ADGRG6: variants seen among roughly 807,000 people sequenced by gnomAD.
ADGRG6 encodes G-protein coupled receptor 126.
A neutral mutation model predicts 142.4 loss-of-function variants in ADGRG6; 84 were observed. The observed-to-expected ratio is 0.59, with a 90% confidence interval of 0.49 to 0.71. The LOEUF (loss-of-function observed/expected upper bound fraction) is 0.71, where lower values mean the gene tolerates loss of function less well. Ranked by LOEUF, ADGRG6 falls within the 30% of genes least tolerant of loss-of-function variation. The pLI, the probability that ADGRG6 is intolerant of heterozygous loss-of-function variation, is 0.00. For synonymous variants in ADGRG6, 521 were observed against 520.5 expected, an observed-to-expected ratio of 1.00 and a Z score of -0.01; for missense variants, 1,367 against 1,466.6, an observed-to-expected ratio of 0.93 and a Z score of 1.11.
intron 2 of ADGRG6, among the ~76,000 whole-genome samples, chr6:142,318,441 A>T (rs1163095278): frequency 7.8e-6 from 1 of 128,054 alleles, no homozygotes; most frequent in Non-Finnish European, 1.6e-5. Flanking sequence ...ATATATTTAT[A>T]TATCAGGCTC....
At position 142,402,653 on chromosome 6, in the gene ADGRG6, AT is replaced by A; in HGVS notation, c.1781del (p.Leu594Ter). ...AATGAAGTTGCTAACCAGATTTTAA[AT>A]TTAACTGCTGATGGGCAGAACTTAA... is the stretch of plus-strand genomic sequence containing the variant. ...EANEVANQIL[N>X]LTADGQNLTS... On this transcript the variant is annotated frameshift_variant, in exon 13 of 25. Transcript: ENST00000367609. LOFTEE classifies it high-confidence loss of function. The A allele has an allele frequency of 6.2e-7, 1 of 1,605,560 alleles. No homozygotes were observed. The highest frequency in any genetic ancestry group is 2.2e-5 in the East Asian group (1 of 44,588).
At chr6:142,441,405 T>C (rs1000368129) in intron 24 of ADGRG6, among the ~76,000 whole-genome samples, 4 of 152,164 alleles carry the variant, frequency 2.6e-5, no homozygotes, top group Non-Finnish European at 4.4e-5. Flanking sequence ...AATTTCAGCA[T>C]AGGTCAAATA....
chr6:142,363,758 A>G (rs1446659581), intron 2 of ADGRG6, among the ~76,000 whole-genome samples: 4 of 152,160 alleles, frequency 2.6e-5, no homozygotes, highest in Admixed American at 2.0e-4. Flanking sequence ...GTAATTACTT[A>G]CTAGGCTAGC....
At chr6:142,433,935 G>A (rs888376257) in intron 22 of ADGRG6, among the ~76,000 whole-genome samples, 7 of 152,060 alleles carry the variant, frequency 4.6e-5, no homozygotes, top group Admixed American at 2.6e-4. Context: ...TATTGTCCAG[G>A]CAACATAAGA....
chr6:142,408,968 T>C (rs1441749650), intron 16 of ADGRG6, among the ~76,000 whole-genome samples: 1 of 152,176 alleles, frequency 6.6e-6, no homozygotes, highest in Non-Finnish European at 1.5e-5. Context: ...TGTTCAACAC[T>C]TTGGCTTCCT....
chr6:142,409,000 T>C (rs1048151976), intron 16 of ADGRG6, among the ~76,000 whole-genome samples: 1 of 152,172 alleles, frequency 6.6e-6, no homozygotes, highest in African/African-American at 2.4e-5. Context: ...CCTTCATTCA[T>C]AAAGGACGAT....
intron 2 of ADGRG6, among the ~76,000 whole-genome samples, chr6:142,334,662 G>A (rs1172373996): frequency 6.6e-6 from 1 of 152,158 alleles, no homozygotes; most frequent in Admixed American, 6.5e-5. Context: ...TGCAATCAAG[G>A]GTCTCTAGCA....
chr6:142,434,330 T>G (rs1208971432), intron 22 of ADGRG6, among the ~76,000 whole-genome samples: 1 of 151,380 alleles, frequency 6.6e-6, no homozygotes, highest in East Asian at 1.9e-4. Flanking sequence ...CCCAGAATTT[T>G]TTTTTCTTTT....
At chr6:142,365,574 A>G (rs1354341208) in intron 2 of ADGRG6, among the ~76,000 whole-genome samples, 1 of 152,212 alleles carries the variant, frequency 6.6e-6, no homozygotes, top group Non-Finnish European at 1.5e-5. Flanking sequence ...TACAAAGCAG[A>G]GGAACATGGT....
intron 4 of ADGRG6, among the ~76,000 whole-genome samples, chr6:142,376,936 C>A (rs1781528963): frequency 6.6e-6 from 1 of 152,188 alleles, no homozygotes. Context: ...CAGTGGGCTA[C>A]ACATCAGTCT....
intron 22 of ADGRG6, among the ~76,000 whole-genome samples, chr6:142,420,324 C>T (rs1373232266): frequency 6.6e-6 from 1 of 152,100 alleles, no homozygotes; most frequent in African/African-American, 2.4e-5. Flanking sequence ...TGCCAAGCAC[C>T]TAGAACACTG....
chr6:142,385,100 C>T (rs935568931), intron 6 of ADGRG6, among the ~76,000 whole-genome samples: 1 of 152,104 alleles, frequency 6.6e-6, no homozygotes, highest in African/African-American at 2.4e-5. Flanking sequence ...GGTATTCTCC[C>T]TCCAGGATTG....
intron 2 of ADGRG6, among the ~76,000 whole-genome samples, chr6:142,347,331 A>G (rs1779952074): frequency 6.6e-6 from 1 of 152,204 alleles, no homozygotes. Flanking sequence ...CATAGTTTTT[A>G]TATCACTGTA....
At chr6:142,363,737 GA>G (rs1780822386) in intron 2 of ADGRG6, among the ~76,000 whole-genome samples, 1 of 152,096 alleles carries the variant, frequency 6.6e-6, no homozygotes, top group Non-Finnish European at 1.5e-5. Flanking sequence ...TGACTCTTAA[GA>G]GAGATCAAAG....
intron 22 of ADGRG6, among the ~76,000 whole-genome samples, chr6:142,432,036 C>T (rs142250194): frequency 0.016 from 2,427 of 152,254 alleles, 60 homozygotes; most frequent in African/African-American, 0.05. Context: ...ACACCGAGAT[C>T]TATAAGTAGA....
At chr6:142,417,403 A>G (rs1432589351) in intron 21 of ADGRG6, 34 bp downstream of exon 21, 1 of 898,436 alleles carries the variant, frequency 1.1e-6, no homozygotes, top group Non-Finnish European at 1.8e-6. Context: ...ATGAGTAGAT[A>G]TCCTTTGTTT....
intron 9 of ADGRG6, among the ~76,000 whole-genome samples, 181 bp downstream of exon 9, chr6:142,394,139 G>T (rs1258144314): frequency 6.6e-6 from 1 of 151,992 alleles, no homozygotes; most frequent in Non-Finnish European, 1.5e-5. Context: ...TAACAGACTG[G>T]GTAGTAATGT....
chr6:142,325,403 C>T (rs975925316), intron 2 of ADGRG6, among the ~76,000 whole-genome samples: 2 of 152,142 alleles, frequency 1.3e-5, no homozygotes, highest in Non-Finnish European at 2.9e-5. Context: ...TGGGCTGAGG[C>T]TCCACGGTAT....
intron 2 of ADGRG6, among the ~76,000 whole-genome samples, chr6:142,318,525 C>A (rs1024756879): frequency 5.5e-5 from 8 of 146,040 alleles, no homozygotes; most frequent in African/African-American, 2.0e-4. Flanking sequence ...ATTGGGGAGA[C>A]TAACGTGAGA....
Sources: allele counts gnomAD v4.1 joint callset (sites outside exome capture counted in the v4.1 genomes callset), GRCh38; gene constraint gnomAD v4.1.1; transcripts MANE v1.5; gene names NCBI Gene and HGNC (gene_info 2026-07-23, HGNC 2026-07-21).